ADARB2: variants seen among roughly 807,000 people sequenced by gnomAD.
The protein encoded by ADARB2 is adenosine deaminase RNA specific B2 (inactive).
ADARB2 carries 25 observed loss-of-function variants against 62.2 expected under a neutral mutation model. The ratio of observed to expected loss-of-function variants is 0.40; its 90% CI spans 0.29 to 0.56. ADARB2 has a LOEUF of 0.56. ADARB2 is among the 20% of genes least tolerant of loss of function. The probability of loss-of-function intolerance (pLI) is 0.43; values close to 1 mark genes in which losing one functional copy is unlikely to be tolerated. For synonymous variants in ADARB2, 572 were observed against 500.8 expected, an observed-to-expected ratio of 1.14 and a Z score of -1.90; for missense variants, 1,071 against 1,077.4, an observed-to-expected ratio of 0.99 and a Z score of 0.08.
At chr10:1,377,612 G>A (rs1483309389) in intron 2 of ADARB2, among the ~76,000 whole-genome samples, 1 of 151,974 alleles carries the variant, frequency 6.6e-6, no homozygotes, top group Non-Finnish European at 1.5e-5. Context: ...ATCAATAAAT[G>A]GACTCATCTG....
In ADARB2 at chr10:1,184,926, A is replaced by G. The variant is rs1178435240; in HGVS notation, c.1978T>C (p.Cys660Arg). Residue 660 changes from cysteine to arginine, a missense_variant, in exon 9 of 10, where the codon TGT becomes CGT. Transcript: ENST00000381312. ...IINATTGRRSCGGPSRLCKHV... is the reference protein window; with the variant it reads ...IINATTGRRSRGGPSRLCKHV... ...TTGCAGAGCCGGGATGGGCCCCCACAGCTCCTCCGCCCAGTGGTGGCGTTG... is the reference window on the plus strand; with the variant it reads ...TTGCAGAGCCGGGATGGGCCCCCACGGCTCCTCCGCCCAGTGGTGGCGTTG... 7 of 1,613,748 alleles carry G rather than the reference A, an allele frequency of 4.3e-6. No homozygotes were observed. The African/African-American group carries it at 8.0e-5, about 18-fold the overall frequency.
intron 1 of ADARB2, among the ~76,000 whole-genome samples, chr10:1,503,747 G>T (rs1322257796): frequency 6.6e-6 from 1 of 152,088 alleles, no homozygotes; most frequent in Admixed American, 6.5e-5. Context: ...CCTCGTGATA[G>T]TAAGTGAGCT....
chr10:1,616,339 C>T (rs11250669), intron 1 of ADARB2, among the ~76,000 whole-genome samples: 28,698 of 151,694 alleles, frequency 0.19, 2,881 homozygotes, highest in East Asian at 0.34. Flanking sequence ...GGATCAGAAC[C>T]AGCAAGTAGT....
At chr10:1,513,334 C>A (rs1481809245) in intron 1 of ADARB2, among the ~76,000 whole-genome samples, 1 of 152,232 alleles carries the variant, frequency 6.6e-6, no homozygotes. Context: ...CCCTCAGTGA[C>A]AAGGCTGGCT....
At chr10:1,266,511 T>TGGGGGGGGGGGGGGGGG (rs782182369) in intron 4 of ADARB2, among the ~76,000 whole-genome samples, 5 of 128,442 alleles carry the variant, frequency 3.9e-5, no homozygotes, top group South Asian at 2.4e-4. Context: ...TGGTGGGGGG[T>TGGGGGGGGGGGGGGGGG]GGGGGGGGGG....
chr10:1,343,210 C>T (rs1832046089), intron 3 of ADARB2, among the ~76,000 whole-genome samples: 1 of 152,186 alleles, frequency 6.6e-6, no homozygotes, highest in East Asian at 1.9e-4. Flanking sequence ...AAAGGACATG[C>T]ACAGACACCT....
At chr10:1,733,648 TTTTTC>T (rs1303415407) in intron 1 of ADARB2, among the ~76,000 whole-genome samples, 2 of 152,228 alleles carry the variant, frequency 1.3e-5, no homozygotes, top group African/African-American at 2.4e-5. Context: ...AAAAAAACCC[TTTTTC>T]TTTATTATTT....
rs1389892762 is a variant in ADARB2 at position 1,464,434 on chromosome 10, C to T, written c.101-85274G>A. On this transcript the variant is annotated intron_variant, in intron 1 of 9. Coordinates refer to ENST00000381312, the MANE Select transcript of ADARB2 (RefSeq NM_018702.4). ...ACACACGCGCGGGGGCCAGTCACAG[C>T]GGGCAGTGCACCGGAGAAGAGGGTG... 4.6e-4 allele frequency among the ~76,000 whole-genome samples: 45 copies of T among 98,748 alleles called. 5 individuals are homozygous for T. The highest frequency in any genetic ancestry group is 7.4e-4 in the Non-Finnish European group (34 of 46,030). The allele number at this position is 98,748 out of a possible 152,430, so 64.8% of individuals were successfully genotyped here. A position where few individuals can be genotyped will look rare whatever the true frequency, so the allele number is the denominator to read the frequency against.
intron 1 of ADARB2, chr10:1,675,129 G>A (rs1834449054): frequency 1.1e-5 from 11 of 984,440 alleles, no homozygotes; most frequent in Non-Finnish European, 1.2e-5. Context: ...GTACATGGAT[G>A]TTCTGGAGGT....
chr10:1,380,160 C>T (rs2131860567), intron 1 of ADARB2, among the ~76,000 whole-genome samples: 1 of 152,324 alleles, frequency 6.6e-6, no homozygotes, highest in African/African-American at 2.4e-5. Flanking sequence ...TCCCAGACAT[C>T]CTCCAGCCCG....
chr10:1,409,035 T>G (rs1011068588), intron 1 of ADARB2, among the ~76,000 whole-genome samples: 1 of 152,204 alleles, frequency 6.6e-6, no homozygotes, highest in Non-Finnish European at 1.5e-5. Flanking sequence ...TGGGGAGACC[T>G]AATGAGCTCC....
At chr10:1,650,606 C>T (rs1051656431) in intron 1 of ADARB2, among the ~76,000 whole-genome samples, 5 of 152,186 alleles carry the variant, frequency 3.3e-5, no homozygotes, top group African/African-American at 7.2e-5. Flanking sequence ...GCTATCGGTC[C>T]GTGAAAGGTC....
intron 7 of ADARB2, among the ~76,000 whole-genome samples, chr10:1,205,017 G>A (rs1837033628): frequency 6.6e-6 from 1 of 152,196 alleles, no homozygotes; most frequent in South Asian, 2.1e-4. Context: ...TCAGCCTGAG[G>A]TGCTGGGATG....
chr10:1,595,249 G>T (rs1332305609), intron 1 of ADARB2, among the ~76,000 whole-genome samples: 1 of 152,202 alleles, frequency 6.6e-6, no homozygotes, highest in East Asian at 1.9e-4. Context: ...GAGAACAGAT[G>T]ATGATTAAAT....
At chr10:1,262,287 T>TAATA in intron 4 of ADARB2, among the ~76,000 whole-genome samples, 1 of 135,780 alleles carries the variant, frequency 7.4e-6, no homozygotes, top group Non-Finnish European at 1.5e-5. Context: ...AAACTTAAAG[T>TAATA]ATAATAATAA....
intron 4 of ADARB2, among the ~76,000 whole-genome samples, chr10:1,265,766 G>A (rs1831191504): frequency 6.7e-6 from 1 of 148,366 alleles, no homozygotes; most frequent in Non-Finnish European, 1.5e-5. Context: ...AGGCTCTCCC[G>A]GAAGACGGCC....
intron 1 of ADARB2, among the ~76,000 whole-genome samples, chr10:1,649,877 A>G (rs978569379): frequency 4.6e-5 from 7 of 152,050 alleles, no homozygotes; most frequent in Non-Finnish European, 1.0e-4. Context: ...ACAGGTAATT[A>G]CTCCTAAAAT....
intron 1 of ADARB2, among the ~76,000 whole-genome samples, chr10:1,580,700 A>T (rs899471389): frequency 8.6e-5 from 13 of 152,010 alleles, no homozygotes; most frequent in Non-Finnish European, 1.5e-4. Context: ...TTGGATCCAC[A>T]TTGGAACATC....
chr10:1,361,220 G>A (rs74119492), intron 3 of ADARB2: 9,139 of 151,670 alleles, frequency 0.06, 408 homozygotes, highest in East Asian at 0.23. Context: ...GGCTGCAGGG[G>A]TGAAGTGGCT....
Sources: gnomAD v4.1 joint callset for allele counts (sites outside exome capture counted in the v4.1 genomes callset) on GRCh38, gnomAD v4.1.1 for gene constraint, MANE v1.5 for transcripts, NCBI Gene and HGNC (gene_info 2026-07-23, HGNC 2026-07-21) for gene names.